The following ERC2 variants were observed in gnomAD, a reference collection of about 807,000 sequenced individuals.
ERC2 encodes the protein ELKS/RAB6-interacting/CAST family member 2, also known as ERC protein 2.
Under a neutral mutation model 114.8 loss-of-function variants are expected in ERC2, and 42 were observed. That is an observed-to-expected ratio of 0.37 (90% CI 0.29 to 0.47). The LOEUF (loss-of-function observed/expected upper bound fraction) is 0.47. ERC2 is among the 20% of genes least tolerant of loss of function. ERC2 has a pLI of 0.99. For synonymous variants in ERC2, 454 were observed against 425.5 expected, an observed-to-expected ratio of 1.07 and a Z score of -0.82; for missense variants, 939 against 1,150.7, an observed-to-expected ratio of 0.82 and a Z score of 2.66.
At chr3:55,770,144 C>T (rs1286592112) in intron 14 of ERC2, among the ~76,000 whole-genome samples, 3 of 152,140 alleles carry the variant, frequency 2.0e-5, no homozygotes, top group African/African-American at 7.2e-5. Flanking sequence ...AATGGCATAT[C>T]CCAAACAGAG....
intron 12 of ERC2, among the ~76,000 whole-genome samples, chr3:55,957,732 AG>A (rs908188817): frequency 1.6e-4 from 24 of 150,810 alleles, no homozygotes; most frequent in African/African-American, 3.2e-4. Context: ...AGTGGGGAGG[AG>A]GGGGGGGCAG....
chr3:56,108,195 T>C (rs948380791), intron 6 of ERC2, among the ~76,000 whole-genome samples: 7 of 152,276 alleles, frequency 4.6e-5, no homozygotes, highest in African/African-American at 1.4e-4. Context: ...GCAACTTTCA[T>C]TCCTATAAAC....
intron 13 of ERC2, among the ~76,000 whole-genome samples, chr3:55,911,649 C>T (rs868107105): frequency 6.6e-6 from 1 of 152,164 alleles, no homozygotes; most frequent in Non-Finnish European, 1.5e-5. Flanking sequence ...CCAATTTCTT[C>T]AATTTCACAG....
At chr3:56,166,077 C>G (rs2082310124) in intron 4 of ERC2, among the ~76,000 whole-genome samples, 1 of 151,944 alleles carries the variant, frequency 6.6e-6, no homozygotes, top group African/African-American at 2.4e-5. Context: ...TTCTGAGTTT[C>G]TGAAAAACAT....
At chr3:55,598,636 C>T (rs1247835305) in intron 17 of ERC2, among the ~76,000 whole-genome samples, 1 of 152,258 alleles carries the variant, frequency 6.6e-6, no homozygotes, top group Non-Finnish European at 1.5e-5. Context: ...CAGAGATGCA[C>T]CACTGTTATG....
chr3:56,244,777 A>G (rs2051568147), intron 3 of ERC2, among the ~76,000 whole-genome samples: 2 of 152,216 alleles, frequency 1.3e-5, no homozygotes, highest in Admixed American at 1.3e-4. Context: ...ACAGTAATAT[A>G]CAGTAGTGTC....
At chr3:55,547,551 C>A (rs964154929) in intron 17 of ERC2, among the ~76,000 whole-genome samples, 2 of 152,198 alleles carry the variant, frequency 1.3e-5, no homozygotes. Flanking sequence ...TCCGGCAGCT[C>A]CTCTTTAGAA....
chr3:56,057,993 T>C (rs975946233), intron 7 of ERC2, among the ~76,000 whole-genome samples: 1 of 152,210 alleles, frequency 6.6e-6, no homozygotes, highest in Non-Finnish European at 1.5e-5. Flanking sequence ...CTCCAATTAA[T>C]TGATTATTAT....
intron 7 of ERC2, among the ~76,000 whole-genome samples, chr3:56,038,826 T>G (rs1407530573): frequency 6.6e-6 from 1 of 152,130 alleles, no homozygotes; most frequent in Non-Finnish European, 1.5e-5. Flanking sequence ...AGCAAACTAA[T>G]GCAGGAACAG....
chr3:55,690,612 G>A (rs562431884), intron 16 of ERC2, among the ~76,000 whole-genome samples: 1 of 152,006 alleles, frequency 6.6e-6, no homozygotes, highest in South Asian at 2.1e-4. Context: ...TGCAAACAAG[G>A]TGTAAAACCT....
intron 6 of ERC2, among the ~76,000 whole-genome samples, chr3:56,136,140 G>T (rs2080491363): frequency 6.6e-6 from 1 of 152,052 alleles, no homozygotes; most frequent in Admixed American, 6.6e-5. Flanking sequence ...GAGACAGCTT[G>T]CCTCCTACAC....
At chr3:55,910,541 G>A (rs1198441629) in intron 13 of ERC2, among the ~76,000 whole-genome samples, 4 of 152,044 alleles carry the variant, frequency 2.6e-5, no homozygotes, top group African/African-American at 9.7e-5. Flanking sequence ...AAATATTCTA[G>A]GGGTTTCCCT....
At chr3:56,088,765 A>G (rs921166467) in intron 6 of ERC2, among the ~76,000 whole-genome samples, 1 of 152,216 alleles carries the variant, frequency 6.6e-6, no homozygotes, top group Non-Finnish European at 1.5e-5. Flanking sequence ...AAATGGAGAT[A>G]ATAACAGTAC....
intron 14 of ERC2, among the ~76,000 whole-genome samples, chr3:55,872,569 C>T (rs978474610): frequency 6.6e-6 from 1 of 151,998 alleles, no homozygotes; most frequent in Non-Finnish European, 1.5e-5. Flanking sequence ...ATTTGAGAGG[C>T]AATGCCCAGA....
At chr3:55,714,304 G>T (rs2063952661) in intron 15 of ERC2, among the ~76,000 whole-genome samples, 1 of 152,086 alleles carries the variant, frequency 6.6e-6, no homozygotes, top group African/African-American at 2.4e-5. Context: ...CTACCCTGTG[G>T]TCCAATAGTC....
intron 1 of ERC2, among the ~76,000 whole-genome samples, chr3:56,463,632 C>T (rs2063415230): frequency 6.6e-6 from 1 of 152,130 alleles, no homozygotes; most frequent in Non-Finnish European, 1.5e-5. Flanking sequence ...GTTAACTGCC[C>T]AATAGAAGTT....
At chr3:56,329,858 A>G (rs2057526216) in intron 2 of ERC2, among the ~76,000 whole-genome samples, 1 of 151,106 alleles carries the variant, frequency 6.6e-6, no homozygotes, top group Non-Finnish European at 1.5e-5. Flanking sequence ...ATGTATTTCC[A>G]CCATATATAT....
intron 4 of ERC2, among the ~76,000 whole-genome samples, chr3:56,151,168 G>A (rs1041576460): frequency 1.3e-5 from 2 of 152,138 alleles, no homozygotes; most frequent in African/African-American, 2.4e-5. Context: ...ATAGGTTCAA[G>A]CAATTTTCAT....
chr3:55,704,855 C>A (rs910256670), intron 15 of ERC2, among the ~76,000 whole-genome samples: 2 of 152,240 alleles, frequency 1.3e-5, no homozygotes, highest in Non-Finnish European at 2.9e-5. Context: ...ACATCTGCAA[C>A]TGCAATGATG....
Sources: gnomAD v4.1 joint callset for allele counts (sites outside exome capture counted in the v4.1 genomes callset) on GRCh38, gnomAD v4.1.1 for gene constraint, MANE v1.5 for transcripts, NCBI Gene and HGNC (gene_info 2026-07-23, HGNC 2026-07-21) for gene names.